The following NCALD variants were observed in gnomAD, a reference collection of about 807,000 sequenced individuals.
The protein encoded by NCALD is neurocalcin delta.
Under a neutral mutation model 18.6 loss-of-function variants are expected in NCALD, and 10 were observed. That is an observed-to-expected ratio of 0.54 (90% confidence interval 0.33 to 0.91). NCALD has a LOEUF of 0.91. Ranked by LOEUF, NCALD falls within the 40% of genes least tolerant of loss-of-function variation. The pLI, the probability that NCALD is intolerant of heterozygous loss-of-function variation, is 0.03. For missense variants in NCALD, 184 were observed against 247.6 expected (o/e 0.74, Z 1.72); for synonymous variants, 88 against 87.4 (o/e 1.01, Z -0.04).
intron 1 of NCALD, among the ~76,000 whole-genome samples, chr8:102,115,660 G>T (rs973141288): frequency 1.1e-4 from 17 of 152,158 alleles, no homozygotes; most frequent in Non-Finnish European, 2.9e-5. Context: ...CGTGCGGATG[G>T]GTCAATGGCA....
At chr8:102,041,443 A>C (rs1823045883) in intron 1 of NCALD, among the ~76,000 whole-genome samples, 1 of 152,246 alleles carries the variant, frequency 6.6e-6, no homozygotes, top group Non-Finnish European at 1.5e-5. Context: ...GGATGTGTGC[A>C]GTTAGCATGC....
chr8:101,929,277 G>T (rs1181039676), intron 2 of NCALD, among the ~76,000 whole-genome samples: 1 of 43,136 alleles, frequency 2.3e-5, no homozygotes, highest in African/African-American at 1.2e-4. Flanking sequence ...GGGATGGAGG[G>T]AGGGAGGGAG....
chr8:101,889,898 G>A (rs1586699576), intron 3 of NCALD, among the ~76,000 whole-genome samples: 1 of 152,278 alleles, frequency 6.6e-6, no homozygotes, highest in South Asian at 2.1e-4. Context: ...GTTGTAAAAA[G>A]CAAAAGGTTT....
In NCALD at chr8:102,080,115, G is replaced by A. The variant is rs551570895; in HGVS notation, c.-210+44122C>T. ...CACTTACCTTCTTAAAAAAAAATCC[G>A]CCCAAGGAAATATAATTCAGTTATC... On this transcript the variant is annotated intron_variant, in intron 1 of 6. Transcript: ENST00000311028. Among the ~76,000 whole-genome samples the A allele has an allele frequency of 1.4e-4, 22 of 152,156 alleles. No individual in the cohort carries two copies. The South Asian group carries it at 3.3e-3, about 23-fold the overall frequency.
chr8:101,968,539 A>G (rs992145712), intron 2 of NCALD, among the ~76,000 whole-genome samples: 1 of 152,102 alleles, frequency 6.6e-6, no homozygotes, highest in Non-Finnish European at 1.5e-5. Context: ...CTGCTGTCAC[A>G]CCTGAGTCTT....
At chr8:101,852,842 G>A (rs2131337570) in intron 4 of NCALD, among the ~76,000 whole-genome samples, 1 of 152,226 alleles carries the variant, frequency 6.6e-6, no homozygotes, top group South Asian at 2.1e-4. Context: ...GCCTAATGAT[G>A]TTTGGTATTC....
intron 3 of NCALD, among the ~76,000 whole-genome samples, chr8:101,893,882 C>A (rs1018519623): frequency 2.7e-5 from 4 of 146,186 alleles, no homozygotes; most frequent in Non-Finnish European, 5.9e-5. Flanking sequence ...GAGTGACCTA[C>A]AAAGAGACGT....
chr8:101,766,702 G>A (rs1233387173), intron 1 of NCALD, among the ~76,000 whole-genome samples: 3 of 152,158 alleles, frequency 2.0e-5, no homozygotes, highest in Admixed American at 1.3e-4. Context: ...TCAGCCTCCC[G>A]AGTAGCTGGG....
intron 4 of NCALD, among the ~76,000 whole-genome samples, chr8:101,827,429 T>C (rs1459777604): frequency 6.6e-6 from 1 of 152,232 alleles, no homozygotes; most frequent in Non-Finnish European, 1.5e-5. Context: ...TTATTTAATC[T>C]ACTATAACTA....
chr8:101,744,073 A>G (rs1810325756), intron 1 of NCALD, among the ~76,000 whole-genome samples: 1 of 152,212 alleles, frequency 6.6e-6, no homozygotes, highest in African/African-American at 2.4e-5. Context: ...CCAAAGACAG[A>G]TCGACAGATC....
intron 1 of NCALD, among the ~76,000 whole-genome samples, chr8:101,768,653 G>C (rs1811450218): frequency 1.3e-5 from 2 of 148,638 alleles, no homozygotes; most frequent in South Asian, 4.2e-4. Flanking sequence ...AAGATGCAAT[G>C]AACTGAGATC....
chr8:102,107,195 C>CATT (rs1825486031), intron 1 of NCALD, among the ~76,000 whole-genome samples: 1 of 89,302 alleles, frequency 1.1e-5, no homozygotes, highest in East Asian at 3.4e-4. Flanking sequence ...TATGTGTGTA[C>CATT]ATATATATAT....
At chr8:101,879,109 G>T (rs1816355183) in intron 4 of NCALD, among the ~76,000 whole-genome samples, 1 of 152,188 alleles carries the variant, frequency 6.6e-6, no homozygotes, top group South Asian at 2.1e-4. Flanking sequence ...CATTGAATGG[G>T]GTATAGAATG....
At chr8:102,028,509 GGATT>G (rs1290868381) in intron 1 of NCALD, among the ~76,000 whole-genome samples, 1 of 152,222 alleles carries the variant, frequency 6.6e-6, no homozygotes, top group Non-Finnish European at 1.5e-5. Flanking sequence ...ATGTTGGAAA[GGATT>G]GTTTATCAAA....
chr8:101,812,403 CA>C (rs1405071548), intron 4 of NCALD, among the ~76,000 whole-genome samples: 1 of 152,084 alleles, frequency 6.6e-6, no homozygotes, highest in African/African-American at 2.4e-5. Context: ...CTGAGCTCAG[CA>C]ACTTAACTAA....
At chr8:102,064,254 C>A (rs1031280521) in intron 1 of NCALD, among the ~76,000 whole-genome samples, 6 of 152,122 alleles carry the variant, frequency 3.9e-5, no homozygotes, top group Admixed American at 3.9e-4. Context: ...TCCTCCAGCC[C>A]CAGAGCTCTG....
At chr8:101,858,754 G>A (rs181381983) in intron 4 of NCALD, among the ~76,000 whole-genome samples, 45 of 152,262 alleles carry the variant, frequency 3.0e-4, no homozygotes, top group African/African-American at 8.9e-4. Context: ...TAGCCCCACG[G>A]AGAATCCCAA....
intron 1 of NCALD, among the ~76,000 whole-genome samples, chr8:101,748,115 A>G (rs1054502709): frequency 1.7e-4 from 26 of 152,342 alleles, no homozygotes; most frequent in African/African-American, 6.3e-4. Flanking sequence ...TAATGAAATG[A>G]GACATTTTCC....
chr8:102,083,548 CATGT>C (rs1329725128), intron 1 of NCALD, among the ~76,000 whole-genome samples: 3 of 152,154 alleles, frequency 2.0e-5, no homozygotes, highest in East Asian at 3.8e-4. Flanking sequence ...ATTAGACTAA[CATGT>C]ATGTATTATC....
Sources: allele counts gnomAD v4.1 joint callset (sites outside exome capture counted in the v4.1 genomes callset), GRCh38; gene constraint gnomAD v4.1.1; transcripts MANE v1.5; gene names NCBI Gene and HGNC (gene_info 2026-07-23, HGNC 2026-07-21).